Variants in CYB5A observed in about 807,000 individuals in gnomAD.
CYB5A encodes cytochrome b5 type A, also known as cytochrome b5.
CYB5A carries 10 observed loss-of-function variants against 16.2 expected under a neutral mutation model. The observed-to-expected ratio is 0.62, with a 90% CI of 0.38 to 1.04. The LOEUF (loss-of-function observed/expected upper bound fraction) is 1.04, where lower values mean the gene tolerates loss of function less well. Ranked by LOEUF, CYB5A falls within the 50% of genes least tolerant of loss-of-function variation. CYB5A has a pLI of 0.01. For synonymous variants in CYB5A, 62 were observed against 57.0 expected (o/e 1.09, Z -0.40); for missense variants, 161 against 165.9 (o/e 0.97, Z 0.16).
chr18:74,258,762 C>G (rs946167067), intron 3 of CYB5A: 1 of 152,256 alleles, frequency 6.6e-6, no homozygotes, highest in East Asian at 1.9e-4. Flanking sequence ...CGGTTCTGCT[C>G]TCACTGAAGC....
chr18:74,278,210 T>G (rs2145071954), intron 1 of CYB5A, among the ~76,000 whole-genome samples: 1 of 152,214 alleles, frequency 6.6e-6, no homozygotes, highest in South Asian at 2.1e-4. Flanking sequence ...GCCGCCTGAC[T>G]CCACGCCAAG....
chr18:74,284,568 CA>C (rs1450713314), intron 1 of CYB5A, among the ~76,000 whole-genome samples: 1 of 152,204 alleles, frequency 6.6e-6, no homozygotes, highest in Non-Finnish European at 1.5e-5. Flanking sequence ...CAAGAACAAA[CA>C]ATAGCAGGCA....
intron 1 of CYB5A, among the ~76,000 whole-genome samples, chr18:74,286,454 A>G (rs1419952303): frequency 2.6e-5 from 4 of 152,228 alleles, no homozygotes; most frequent in African/African-American, 7.2e-5. Flanking sequence ...AAAACAATTT[A>G]TTTTAAAATT....
chr18:74,263,775 G>A (rs1017002039), intron 1 of CYB5A, among the ~76,000 whole-genome samples: 7 of 152,066 alleles, frequency 4.6e-5, no homozygotes, highest in Admixed American at 6.5e-5. Flanking sequence ...AGCTGGGCAC[G>A]GTGGCATGCC....
At chr18:74,285,843 CAAAAAAAAA>C (rs58176740) in intron 1 of CYB5A, among the ~76,000 whole-genome samples, 3 of 70,866 alleles carry the variant, frequency 4.2e-5, no homozygotes, top group African/African-American at 4.2e-5. Flanking sequence ...GACCCCATCT[CAAAAAAAAA>C]AAAAAAAAAA....
intron 1 of CYB5A, among the ~76,000 whole-genome samples, chr18:74,277,951 T>G (rs1788638): frequency 0.2 from 30,357 of 152,168 alleles, 3,355 homozygotes; most frequent in African/African-American, 0.3. Context: ...TTTCACAGCC[T>G]GAACAAATGC....
intron 3 of CYB5A, chr18:74,257,484 T>C (rs1157873927): frequency 6.5e-6 from 1 of 153,054 alleles, no homozygotes; most frequent in Non-Finnish European, 1.5e-5. Context: ...AGGGCCTCAC[T>C]TGGGTTTAGG....
intron 1 of CYB5A, among the ~76,000 whole-genome samples, chr18:74,285,363 A>G (rs958713294): frequency 6.6e-6 from 1 of 152,234 alleles, no homozygotes; most frequent in African/African-American, 2.4e-5. Flanking sequence ...AAATTCTTTC[A>G]TAGAATAGAC....
At chr18:74,284,275 C>A (rs1288681138) in intron 1 of CYB5A, among the ~76,000 whole-genome samples, 1 of 149,612 alleles carries the variant, frequency 6.7e-6, no homozygotes, top group Non-Finnish European at 1.5e-5. Context: ...AGCACAAACG[C>A]AAAGAAGGTT....
intron 1 of CYB5A, among the ~76,000 whole-genome samples, chr18:74,276,563 C>CACACACACACACACA (rs1555689979): frequency 6.7e-6 from 1 of 149,624 alleles, no homozygotes; most frequent in African/African-American, 2.5e-5. Context: ...CACACACACA[C>CACACACACACACACA]CCTTCTGTCA....
At chr18:74,264,531 C>T (rs897793032) in intron 1 of CYB5A, among the ~76,000 whole-genome samples, 1 of 152,198 alleles carries the variant, frequency 6.6e-6, no homozygotes, top group African/African-American at 2.4e-5. Context: ...TGCGTGCCGG[C>T]AATGCACGGG....
At chr18:74,261,226 C>T (rs1403702787) in intron 2 of CYB5A, 2 of 397,542 alleles carry the variant, frequency 5.0e-6, no homozygotes, top group South Asian at 4.6e-5. Flanking sequence ...TTATTAGACT[C>T]AGATTGCGAC....
intron 1 of CYB5A, among the ~76,000 whole-genome samples, chr18:74,272,310 G>A (rs1982699404): frequency 6.6e-6 from 1 of 152,184 alleles, no homozygotes; most frequent in African/African-American, 2.4e-5. Context: ...TCCAGCCAAT[G>A]GATGCAGGAC....
intron 1 of CYB5A, among the ~76,000 whole-genome samples, chr18:74,278,199 G>A (rs1982956794): frequency 6.6e-6 from 1 of 152,136 alleles, no homozygotes; most frequent in Non-Finnish European, 1.5e-5. Flanking sequence ...AATGAACGCA[G>A]GCCGCCTGAC....
chr18:74,259,572 G>T lies in CYB5A; in HGVS notation c.288+1343C>A, dbSNP rs191668645. On this transcript the variant is annotated intron_variant, in intron 3 of 4. Transcript: ENST00000340533. ...AATCTTACACCTACAAGTGTTTTCTGCTTGTAGTCTTTATGGTTAGCGAGA... is the reference window on the plus strand; with the variant it reads ...AATCTTACACCTACAAGTGTTTTCTTCTTGTAGTCTTTATGGTTAGCGAGA... 2.3e-4 allele frequency: 35 copies of T among 152,276 alleles called. 1 individual carries two copies. Among genetic ancestry groups the T allele is most frequent in the African/African-American group, 7.0e-4 (29 of 41,558 alleles). 9.4% of individuals were successfully genotyped at this position (152,276 alleles called of 1,614,324 possible).
intron 2 of CYB5A, chr18:74,261,772 T>C (rs1982209313): frequency 6.6e-6 from 1 of 152,290 alleles, no homozygotes; most frequent in Non-Finnish European, 1.5e-5. Flanking sequence ...ATTACAGGGA[T>C]CATCAGTGGT....
intron 1 of CYB5A, 30 bp from the exon 2 acceptor site, chr18:74,263,507 T>C: frequency 6.2e-7 from 1 of 1,612,260 alleles, no homozygotes. Context: ...AATAAAAATT[T>C]TTTTTTCAGG....
intron 2 of CYB5A, among the ~76,000 whole-genome samples, chr18:74,262,396 C>T (rs1317465915): frequency 2.0e-5 from 3 of 148,486 alleles, no homozygotes; most frequent in Non-Finnish European, 4.4e-5. Context: ...GTGGAGGTTG[C>T]AGTGGGCCGA....
chr18:74,259,189 C>G (rs1336657920), intron 3 of CYB5A: 2 of 152,192 alleles, frequency 1.3e-5, no homozygotes, highest in African/African-American at 2.4e-5. Context: ...TAGTGTGATT[C>G]TCAAACTTCA....
Sources: gnomAD v4.1 joint callset for allele counts (sites outside exome capture counted in the v4.1 genomes callset) on GRCh38, gnomAD v4.1.1 for gene constraint, MANE v1.5 for transcripts, NCBI Gene and HGNC (gene_info 2026-07-23, HGNC 2026-07-21) for gene names.